The following ITGBL1 variants were observed in gnomAD, a reference collection of about 807,000 sequenced individuals.
The protein encoded by ITGBL1 is integrin subunit beta like 1, also known as integrin beta-like protein 1.
In ITGBL1, 51 loss-of-function variants were observed where a neutral mutation model predicts 68.5. That is an observed-to-expected ratio of 0.74 (90% CI 0.59 to 0.94). ITGBL1 has a LOEUF of 0.94. ITGBL1 is among the 40% of genes least tolerant of loss of function. The pLI, the probability that ITGBL1 is intolerant of heterozygous loss-of-function variation, is 0.00. For missense variants in ITGBL1, 649 were observed against 647.4 expected (o/e 1.00, Z -0.03); for synonymous variants, 209 against 227.3 (o/e 0.92, Z 0.72).
downstream of ITGBL1, chr13:101,717,124 T>A (rs1274933937): frequency 6.6e-6 from 1 of 152,150 alleles, no homozygotes; most frequent in Non-Finnish European, 1.5e-5. Flanking sequence ...AAATTTTATT[T>A]TAATGATGTA....
At chr13:101,615,069 C>G (rs915344681) in intron 7 of ITGBL1, among the ~76,000 whole-genome samples, 1 of 152,052 alleles carries the variant, frequency 6.6e-6, no homozygotes, top group South Asian at 2.1e-4. Flanking sequence ...TGTCAGGATC[C>G]CTCCCAAGGA....
At chr13:101,689,895 A>T (rs2033845996) in intron 7 of ITGBL1, among the ~76,000 whole-genome samples, 1 of 152,218 alleles carries the variant, frequency 6.6e-6, no homozygotes, top group South Asian at 2.1e-4. Context: ...TTTAAAATAT[A>T]CAATTAAGTT....
chr13:101,590,282 GA>G (rs2050628891), intron 6 of ITGBL1, among the ~76,000 whole-genome samples: 1 of 152,106 alleles, frequency 6.6e-6, no homozygotes. Flanking sequence ...TTTCAGATAG[GA>G]AAAAATGGTT....
At chr13:101,472,122 G>T (rs1396055671) in intron 2 of ITGBL1, among the ~76,000 whole-genome samples, 1 of 152,076 alleles carries the variant, frequency 6.6e-6, no homozygotes, top group Non-Finnish European at 1.5e-5. Flanking sequence ...ACTTCTGGAT[G>T]TATTTTTACT....
At chr13:101,622,672 G>C (rs2031628865) in intron 7 of ITGBL1, among the ~76,000 whole-genome samples, 1 of 152,150 alleles carries the variant, frequency 6.6e-6, no homozygotes, top group South Asian at 2.1e-4. Context: ...ATGACTACAT[G>C]AGCGCACAGA....
chr13:101,600,666 A>G (rs2030311770), intron 7 of ITGBL1, among the ~76,000 whole-genome samples: 1 of 152,140 alleles, frequency 6.6e-6, no homozygotes, highest in African/African-American at 2.4e-5. Flanking sequence ...GAATTTTGTC[A>G]AAGGCCTTTT....
chr13:101,484,639 AAT>A (rs2048675085), intron 2 of ITGBL1, among the ~76,000 whole-genome samples: 2 of 152,148 alleles, frequency 1.3e-5, no homozygotes, highest in African/African-American at 4.8e-5. Context: ...TTGCTACATG[AAT>A]ATGTTGTATA....
intron 6 of ITGBL1, among the ~76,000 whole-genome samples, chr13:101,592,453 G>A (rs969020357): frequency 6.6e-6 from 1 of 152,090 alleles, no homozygotes; most frequent in Non-Finnish European, 1.5e-5. Context: ...ATTAACCAAG[G>A]ATGTGAAAGA....
chr13:101,516,511 C>A (rs140674207), intron 2 of ITGBL1, among the ~76,000 whole-genome samples: 139 of 152,168 alleles, frequency 9.1e-4, no homozygotes, highest in African/African-American at 3.2e-3. Context: ...CAAGGAAATC[C>A]ACAATATCGC....
chr13:101,455,472 G>T (rs1209825451), intron 2 of ITGBL1, among the ~76,000 whole-genome samples: 1 of 151,870 alleles, frequency 6.6e-6, no homozygotes, highest in Admixed American at 6.6e-5. Context: ...TTCAAGACCA[G>T]CCTCGCCAAC....
chr13:101,458,442 A>G (rs1168780529), intron 2 of ITGBL1, among the ~76,000 whole-genome samples: 1 of 152,242 alleles, frequency 6.6e-6, no homozygotes, highest in Non-Finnish European at 1.5e-5. Context: ...AATAAAAGAT[A>G]TGTTGAGAAT....
intron 7 of ITGBL1, among the ~76,000 whole-genome samples, chr13:101,603,865 T>G (rs1018958741): frequency 6.6e-6 from 1 of 152,074 alleles, no homozygotes; most frequent in South Asian, 2.1e-4. Flanking sequence ...ACAGTGATTT[T>G]TACTGTTATC....
At chr13:101,541,636 C>T (rs956372830) in intron 2 of ITGBL1, among the ~76,000 whole-genome samples, 5 of 152,120 alleles carry the variant, frequency 3.3e-5, no homozygotes, top group East Asian at 3.9e-4. Context: ...ATGGTACCAG[C>T]TCCTCCTTGT....
intron 2 of ITGBL1, among the ~76,000 whole-genome samples, chr13:101,505,313 A>C (rs941131364): frequency 1.3e-5 from 2 of 152,124 alleles, no homozygotes; most frequent in Admixed American, 1.3e-4. Context: ...TTTTTAACCT[A>C]TTTTATGAAC....
At chr13:101,588,297 T>TTGGTGTG (rs1555360537) in intron 6 of ITGBL1, among the ~76,000 whole-genome samples, 7 of 149,670 alleles carry the variant, frequency 4.7e-5, no homozygotes, top group African/African-American at 1.5e-4. Context: ...TATTCTTCCA[T>TTGGTGTG]TGTGTGTGTG....
At chr13:101,529,232 G>T (rs1202746610) in intron 2 of ITGBL1, among the ~76,000 whole-genome samples, 1 of 150,988 alleles carries the variant, frequency 6.6e-6, no homozygotes, top group Admixed American at 6.6e-5. Flanking sequence ...TATGAATAAA[G>T]AACTTCTTAA....
At chr13:101,485,121 A>G (rs546257521) in intron 2 of ITGBL1, among the ~76,000 whole-genome samples, 2 of 152,320 alleles carry the variant, frequency 1.3e-5, no homozygotes, top group South Asian at 4.1e-4. Flanking sequence ...TCAGCAAAAT[A>G]CTTTTCAAAA....
At chr13:101,698,432 T>C (rs1399697723) in intron 8 of ITGBL1, among the ~76,000 whole-genome samples, 1 of 152,222 alleles carries the variant, frequency 6.6e-6, no homozygotes, top group Non-Finnish European at 1.5e-5. Flanking sequence ...TGAATGTAAC[T>C]AATTTCATAA....
At chr13:101,484,336 GA>G (rs1230656929) in intron 2 of ITGBL1, among the ~76,000 whole-genome samples, 8 of 152,080 alleles carry the variant, frequency 5.3e-5, no homozygotes, top group African/African-American at 1.9e-4. Flanking sequence ...TTCCTGCCAT[GA>G]ATTTAGTTTT....
Sources: allele counts gnomAD v4.1 joint callset (sites outside exome capture counted in the v4.1 genomes callset), GRCh38; gene constraint gnomAD v4.1.1; transcripts MANE v1.5; gene names NCBI Gene and HGNC (gene_info 2026-07-23, HGNC 2026-07-21).